Variants in BAZ2B observed in about 807,000 individuals in gnomAD.
BAZ2B encodes the protein bromodomain adjacent to zinc finger domain 2B.
In BAZ2B, 91 loss-of-function variants were observed where a neutral mutation model predicts 246.0. The ratio of observed to expected loss-of-function variants is 0.37; its 90% CI spans 0.31 to 0.44. The LOEUF is 0.44. Ranked by LOEUF, BAZ2B falls within the 20% of genes least tolerant of loss-of-function variation. The probability of loss-of-function intolerance (pLI) is 1.00; values close to 1 mark genes in which losing one functional copy is unlikely to be tolerated. For missense variants in BAZ2B, 2,332 were observed against 2,533.7 expected, an observed-to-expected ratio of 0.92 and a Z score of 1.71; for synonymous variants, 855 against 860.0, an observed-to-expected ratio of 0.99 and a Z score of 0.10.
chr2:159,380,752 T>C (rs2061907535), intron 25 of BAZ2B, among the ~76,000 whole-genome samples: 1 of 152,208 alleles, frequency 6.6e-6, no homozygotes, highest in Non-Finnish European at 1.5e-5. Context: ...AGTAAAAACC[T>C]GGACACTGAG....
At chr2:159,498,262 T>C (rs1460519264) in intron 2 of BAZ2B, among the ~76,000 whole-genome samples, 2 of 152,156 alleles carry the variant, frequency 1.3e-5, no homozygotes, top group East Asian at 3.8e-4. Flanking sequence ...ACTTATGATA[T>C]AAGGGTAAAA....
intron 2 of BAZ2B, among the ~76,000 whole-genome samples, chr2:159,543,612 T>G (rs900779560): frequency 1.3e-5 from 2 of 151,678 alleles, no homozygotes; most frequent in Non-Finnish European, 2.9e-5. Flanking sequence ...CAAGGCTCAT[T>G]GCAACCTCTG....
intron 5 of BAZ2B, 24 bp downstream of exon 5, chr2:159,448,218 C>T (rs2074537350): frequency 6.3e-7 from 1 of 1,599,850 alleles, no homozygotes; most frequent in Non-Finnish European, 8.5e-7. Flanking sequence ...ATTTATAGTA[C>T]TTCACTTATG....
intron 27 of BAZ2B, 103 bp downstream of exon 27, chr2:159,372,942 C>T (rs889650985): frequency 1.2e-5 from 16 of 1,326,478 alleles, no homozygotes; most frequent in Non-Finnish European, 1.6e-5. Context: ...TACATGTTTA[C>T]CAAACATTGA....
At chr2:159,556,027 C>A (rs1559765329) in intron 1 of BAZ2B, among the ~76,000 whole-genome samples, 162 bp from the exon 2 acceptor site, 1 of 152,080 alleles carries the variant, frequency 6.6e-6, no homozygotes, top group Non-Finnish European at 1.5e-5. Flanking sequence ...CAAAAATAAG[C>A]ATAAAAGGAC....
the BAZ2B span, among the ~76,000 whole-genome samples, chr2:159,650,206 T>C: frequency 1.3e-5 from 2 of 152,156 alleles, no homozygotes; most frequent in Non-Finnish European, 2.9e-5. Flanking sequence ...AGTCTTTTTT[T>C]TTTTTTGCTT....
intron 3 of BAZ2B, chr2:159,463,578 G>C (rs564829815): frequency 6.6e-6 from 1 of 152,666 alleles, no homozygotes; most frequent in African/African-American, 2.4e-5. Flanking sequence ...CAATCTGACA[G>C]GTGTGAGATG....
chr2:159,398,679 A>C (rs1463378730), intron 18 of BAZ2B, 150 bp downstream of exon 18: 1 of 659,912 alleles, frequency 1.5e-6, no homozygotes. Context: ...ACATACAAAT[A>C]AAAACATACA....
At chr2:159,379,035 T>C (rs2061702711) in intron 25 of BAZ2B, among the ~76,000 whole-genome samples, 1 of 152,202 alleles carries the variant, frequency 6.6e-6, no homozygotes, top group Non-Finnish European at 1.5e-5. Flanking sequence ...ATTGAAGTAT[T>C]TGTGCTGTCA....
At chr2:159,635,468 C>T in the BAZ2B span, among the ~76,000 whole-genome samples, 7 of 152,120 alleles carry the variant, frequency 4.6e-5, no homozygotes, top group Non-Finnish European at 8.8e-5. Flanking sequence ...ACAGCTTTTT[C>T]GGAGCACATG....
At chr2:159,369,915 C>A (rs1371291501) in intron 27 of BAZ2B, among the ~76,000 whole-genome samples, 3 of 152,120 alleles carry the variant, frequency 2.0e-5, no homozygotes, top group African/African-American at 7.2e-5. Flanking sequence ...AATGGTATTT[C>A]AACCCAAATG....
chr2:159,369,491 T>C (rs1168260380), intron 27 of BAZ2B, among the ~76,000 whole-genome samples: 1 of 152,136 alleles, frequency 6.6e-6, no homozygotes, highest in African/African-American at 2.4e-5. Context: ...GAATTGTATA[T>C]AGAGAAGTTG....
chr2:159,357,085 C>T (rs10175342), intron 27 of BAZ2B, among the ~76,000 whole-genome samples: 41,852 of 151,942 alleles, frequency 0.28, 5,985 homozygotes, highest in South Asian at 0.42. Flanking sequence ...AGGATCACAA[C>T]TCCTTGCCAG....
At chr2:159,689,967 T>C in the BAZ2B span, 3 of 362,832 alleles carry the variant, frequency 8.3e-6, no homozygotes, top group African/African-American at 4.3e-5. Context: ...GCTTCGATCA[T>C]TGTCTGCCAT....
downstream of BAZ2B, among the ~76,000 whole-genome samples, chr2:159,316,714 A>AG (rs1165322708): frequency 4.0e-5 from 6 of 149,678 alleles, no homozygotes; most frequent in African/African-American, 1.5e-4. Flanking sequence ...AAAAAAAAAA[A>AG]AAAGAAAGAA....
the BAZ2B span, chr2:159,670,891 T>C: frequency 6.6e-6 from 1 of 152,226 alleles, no homozygotes; most frequent in Admixed American, 6.5e-5. Flanking sequence ...ATACTTCCAC[T>C]GGACACAGAA....
At chr2:159,559,031 T>C (rs2089541956) in intron 1 of BAZ2B, among the ~76,000 whole-genome samples, 1 of 151,978 alleles carries the variant, frequency 6.6e-6, no homozygotes, top group South Asian at 2.1e-4. Context: ...CTTGAGCCCA[T>C]GAGTTCAAAA....
rs11679175 is a variant in BAZ2B at position 159,348,813 on chromosome 2, T to G, written c.5158A>C (p.Arg1720=). Residue 1720 remains arginine (R), a synonymous_variant, in exon 30 of 37, where the codon AGA becomes CGA. Coordinates refer to ENST00000392783, the MANE Select transcript of BAZ2B (RefSeq NM_013450.4). The part of the protein sequence containing the change: ...IPEEMQFGWW[R]IIDPEDLKAL... ...TTTAGGTCCTCTGGGTCAATAATTC[T>G]CCACCAACCAAACTGCATTTCTAAG... 1.1e-3 allele frequency: 1,726 copies of G among 1,600,910 alleles called. 1 individual carries two copies. The highest frequency in any genetic ancestry group is 1.4e-3 in the Non-Finnish European group (1,630 of 1,176,958).
the BAZ2B span, among the ~76,000 whole-genome samples, chr2:159,630,935 T>G: frequency 1.3e-5 from 2 of 152,338 alleles, no homozygotes; most frequent in East Asian, 3.9e-4. Context: ...GGCTCACGTG[T>G]GTAGTCCCAA....
Sources: allele counts gnomAD v4.1 joint callset (sites outside exome capture counted in the v4.1 genomes callset), GRCh38; gene constraint gnomAD v4.1.1; transcripts MANE v1.5; gene names NCBI Gene and HGNC (gene_info 2026-07-23, HGNC 2026-07-21).